Variants in CNGA3 observed in about 807,000 individuals in gnomAD.
The protein encoded by CNGA3 is cyclic nucleotide gated channel subunit alpha 3.
Under a neutral mutation model 46.6 loss-of-function variants are expected in CNGA3, and 42 were observed. That is an observed-to-expected ratio of 0.90 (90% confidence interval 0.70 to 1.17). The LOEUF is 1.17. Ranked by LOEUF, CNGA3 falls within the 50% of genes most tolerant of loss-of-function variation. The pLI, the probability that CNGA3 is intolerant of heterozygous loss-of-function variation, is 0.00. For synonymous variants in CNGA3, 394 were observed against 369.4 expected, an observed-to-expected ratio of 1.07 and a Z score of -0.76; for missense variants, 893 against 890.7, an observed-to-expected ratio of 1.00 and a Z score of -0.03.
rs1691624522 is a variant in CNGA3, at chr2:98,346,482, G to A, written c.-90G>A. The A allele has an allele frequency of 2.5e-6, 1 of 398,614 alleles. No homozygotes were observed. The highest frequency in any genetic ancestry group is 4.4e-6 in the Non-Finnish European group (1 of 226,070). The allele number at this position is 398,614 out of a possible 1,614,324, so 24.7% of individuals were successfully genotyped here. ...GAACTGCGCCTAGGAGGCCGAGGGA[G>A]GAGGCGCTCCGCAGACCCTGGCGCG... On this transcript the variant is annotated 5_prime_UTR_variant, in exon 1 of 8. Coordinates refer to ENST00000272602, the MANE Select transcript of CNGA3 (RefSeq NM_001298.3).
Position 98,389,737 on chromosome 2 carries a change from C to T in CNGA3, c.529C>T (p.Leu177=). Residue 177 remains leucine, a synonymous_variant, in exon 6 of 8, where the codon CTG becomes TTG. Coordinates refer to ENST00000272602, the MANE Select transcript of CNGA3 (RefSeq NM_001298.3). ...LYYRWLTAIA[L]PVFYNWYLLI... ...CTACCGCTGGCTGACCGCCATCGCC[C>T]TGCCTGTCTTCTATAACTGGTATCT... 1 of 1,613,530 alleles carries T rather than the reference C, an allele frequency of 6.2e-7. No individual in the cohort carries two copies. The highest frequency in any genetic ancestry group is 8.5e-7 in the Non-Finnish European group (1 of 1,180,010).
At chr2:98,381,788 C>T (rs933996785) in intron 4 of CNGA3, among the ~76,000 whole-genome samples, 2 of 152,016 alleles carry the variant, frequency 1.3e-5, no homozygotes, top group Non-Finnish European at 2.9e-5. Flanking sequence ...CAGGGAGGTC[C>T]CAGGTTCCCA....
At position 98,377,700 on chromosome 2, in the gene CNGA3, A is replaced by G; in HGVS notation, c.115A>G (p.Ser39Gly). Residue 39 changes from serine to glycine, a missense_variant, in exon 3 of 8, where the codon AGT becomes GGT. Coordinates refer to ENST00000272602, the MANE Select transcript of CNGA3 (RefSeq NM_001298.3). ...ENGLSRAHSS[S>G]EETSSVLQPG... ...CTGATTTCCTAGAGCCCACTCGTCA[A>G]GTGAGGAGACATCGTCAGTGCTGCA... is the stretch of plus-strand genomic sequence containing the variant. 6.2e-7 allele frequency: 1 copy of G among 1,613,378 alleles called. No homozygotes were observed. Among genetic ancestry groups the G allele is most frequent in the Non-Finnish European group, 8.5e-7 (1 of 1,179,972 alleles).
intron 5 of CNGA3, among the ~76,000 whole-genome samples, chr2:98,385,863 G>C (rs1692642928): frequency 1.3e-5 from 2 of 152,226 alleles, no homozygotes; most frequent in East Asian, 3.9e-4. Context: ...GCAGGAGGAA[G>C]GTGGGGTAGG....
intron 1 of CNGA3, among the ~76,000 whole-genome samples, chr2:98,353,195 G>T (rs919732889): frequency 6.6e-6 from 1 of 152,148 alleles, no homozygotes; most frequent in African/African-American, 2.4e-5. Context: ...AGAAGTGGAC[G>T]TGTACAGTTC....
At chr2:98,359,221 T>A (rs1488328213) in intron 1 of CNGA3, among the ~76,000 whole-genome samples, 1 of 152,216 alleles carries the variant, frequency 6.6e-6, no homozygotes, top group Non-Finnish European at 1.5e-5. Flanking sequence ...AGGCTCCTGC[T>A]TCTATTGGTC....
At chr2:98,390,841 G>C (rs1026989282) in intron 6 of CNGA3, among the ~76,000 whole-genome samples, 1 of 152,202 alleles carries the variant, frequency 6.6e-6, no homozygotes, top group Non-Finnish European at 1.5e-5. Flanking sequence ...GGAGGGCTTA[G>C]GGGACTTCCC....
chr2:98,371,124 C>A (rs1402029040), intron 2 of CNGA3, among the ~76,000 whole-genome samples: 1 of 152,162 alleles, frequency 6.6e-6, no homozygotes, highest in Admixed American at 6.5e-5. Context: ...TGCACCCAGC[C>A]ATGTTTGTTA....
chr2:98,382,459 G>T (rs1163523540), intron 4 of CNGA3, among the ~76,000 whole-genome samples: 7 of 152,190 alleles, frequency 4.6e-5, no homozygotes, highest in Admixed American at 4.6e-4. Context: ...GACGGAGAGA[G>T]GGAGATTTGG....
chr2:98,353,110 G>GA (rs1321893771), intron 1 of CNGA3, among the ~76,000 whole-genome samples: 1 of 152,022 alleles, frequency 6.6e-6, no homozygotes, highest in African/African-American at 2.4e-5. Flanking sequence ...GATTAAGCAA[G>GA]AAAAAATGGG....
chr2:98,381,266 G>A (rs1204396048), intron 4 of CNGA3, among the ~76,000 whole-genome samples: 1 of 152,132 alleles, frequency 6.6e-6, no homozygotes, highest in Non-Finnish European at 1.5e-5. Flanking sequence ...CCAAACAGGT[G>A]GCTTCTCACC....
At chr2:98,387,999 A>G (rs897792210) in intron 5 of CNGA3, among the ~76,000 whole-genome samples, 1 of 152,240 alleles carries the variant, frequency 6.6e-6, no homozygotes, top group Non-Finnish European at 1.5e-5. Context: ...AAAATAGATC[A>G]GAAATTGTAG....
rs1273341168 is a variant in CNGA3 at position 98,397,725 on chromosome 2, C to T, written c.*470C>T. On this transcript the variant is annotated 3_prime_UTR_variant, in exon 8 of 8. Coordinates refer to ENST00000272602, the MANE Select transcript of CNGA3 (RefSeq NM_001298.3). ...ATAGTGACTAAAATTCAGACTTACA[C>T]AAGACAGTTTGAGGCATATTTCTTA... The T allele has an allele frequency of 3.0e-5, 6 of 199,100 alleles. No individual in the cohort carries two copies. In the East Asian group the frequency reaches 7.5e-4, roughly 25 times the overall value. The allele number at this position is 199,100 out of a possible 1,614,324, so 12.3% of individuals were successfully genotyped here. A position where few individuals can be genotyped will look rare whatever the true frequency, so the allele number is the denominator to read the frequency against.
chr2:98,381,703 G>A (rs1412067700), intron 4 of CNGA3, among the ~76,000 whole-genome samples: 2 of 152,296 alleles, frequency 1.3e-5, no homozygotes, highest in Admixed American at 6.5e-5. Context: ...ACACGAGCTT[G>A]GACTGCAAAC....
intron 1 of CNGA3, among the ~76,000 whole-genome samples, chr2:98,369,712 A>G (rs1186240625): frequency 1.3e-5 from 2 of 152,228 alleles, no homozygotes; most frequent in African/African-American, 2.4e-5. Context: ...TCTCTTCAGC[A>G]TGGTAGCATA....
chr2:98,391,796 C>A, intron 6 of CNGA3, 68 bp from the exon 7 acceptor site: 1 of 1,484,294 alleles, frequency 6.7e-7, no homozygotes, highest in South Asian at 1.1e-5. Context: ...GAGCCCGTGC[C>A]CACAGGTGGG....
intron 1 of CNGA3, among the ~76,000 whole-genome samples, chr2:98,353,892 C>T (rs62156274): frequency 0.21 from 31,246 of 152,084 alleles, 3,589 homozygotes; most frequent in Middle Eastern, 0.29. Flanking sequence ...GTGTCACACA[C>T]TTGTAAATGA....
chr2:98,380,107 A>G (rs1692501948), intron 3 of CNGA3, 68 bp from the exon 4 acceptor site: 4 of 1,554,116 alleles, frequency 2.6e-6, no homozygotes, highest in Non-Finnish European at 3.5e-6. Flanking sequence ...AGAGAGGGAA[A>G]GACTGGGGTT....
chr2:98,389,049 C>T (rs1430764952), intron 5 of CNGA3, among the ~76,000 whole-genome samples: 4 of 152,348 alleles, frequency 2.6e-5, no homozygotes, highest in East Asian at 1.9e-4. Flanking sequence ...TCATTCCGTG[C>T]GGGCCCACGT....
Sources: allele counts gnomAD v4.1 joint callset (sites outside exome capture counted in the v4.1 genomes callset), GRCh38; gene constraint gnomAD v4.1.1; transcripts MANE v1.5; gene names NCBI Gene and HGNC (gene_info 2026-07-23, HGNC 2026-07-21).